Variants in PTPRD observed in about 807,000 individuals in gnomAD.
The protein encoded by PTPRD is protein tyrosine phosphatase receptor type D.
In PTPRD, 34 loss-of-function variants were observed where a neutral mutation model predicts 214.5. The ratio of observed to expected loss-of-function variants is 0.16; its 90% CI spans 0.12 to 0.21. PTPRD has a LOEUF of 0.21. Among genes scored for constraint, PTPRD ranks in the 10% least tolerant of loss-of-function variants. The pLI, the probability that PTPRD is intolerant of heterozygous loss-of-function variation, is 1.00. For missense variants in PTPRD, 2,545 were observed against 2,398.7 expected (o/e 1.06, Z -1.27); for synonymous variants, 1,128 against 845.7 (o/e 1.33, Z -5.79).
chr9:8,528,425 C>T (rs778893518), intron 15 of PTPRD, 166 bp downstream of exon 15: 1 of 695,852 alleles, frequency 1.4e-6, no homozygotes, highest in Non-Finnish European at 2.5e-6. Flanking sequence ...CTGAAACAGG[C>T]TATGACATCA....
chr9:9,784,795 TTATATC>T lies in PTPRD; in HGVS notation c.-367-17950_-367-17945del, dbSNP rs1484873054. Among the ~76,000 whole-genome samples, 3 of 150,926 alleles carry T rather than the reference TTATATC, an allele frequency of 2.0e-5. No individual in the cohort carries two copies. In the East Asian group the frequency reaches 5.8e-4, roughly 29 times the overall value. On this transcript the variant is annotated intron_variant, in intron 5 of 45. Coordinates refer to ENST00000381196, the MANE Select transcript of PTPRD (RefSeq NM_002839.4). ...TGTGTATATATAGATATATATATGT[TTATATC>T]TATATCATAAAACATATATTAGATA...
intron 4 of PTPRD, among the ~76,000 whole-genome samples, chr9:9,953,234 T>G (rs12684921): frequency 0.046 from 6,960 of 152,182 alleles, 292 homozygotes; most frequent in East Asian, 0.23. Flanking sequence ...TCAGTAAAAT[T>G]TGTGCACGCA....
intron 3 of PTPRD, among the ~76,000 whole-genome samples, chr9:10,067,247 C>A (rs1394597470): frequency 6.6e-6 from 1 of 151,844 alleles, no homozygotes; most frequent in Non-Finnish European, 1.5e-5. Context: ...CCTGTTACTT[C>A]AGTTCGGCAA....
At chr9:9,561,938 T>G (rs1268738662) in intron 8 of PTPRD, among the ~76,000 whole-genome samples, 1 of 152,188 alleles carries the variant, frequency 6.6e-6, no homozygotes, top group African/African-American at 2.4e-5. Context: ...ATTTTATGGC[T>G]TTAAATGTCA....
At chr9:9,319,746 T>A (rs897116030) in intron 9 of PTPRD, among the ~76,000 whole-genome samples, 9 of 152,164 alleles carry the variant, frequency 5.9e-5, no homozygotes, top group Non-Finnish European at 1.0e-4. Flanking sequence ...AAAGTTTCTT[T>A]AAAATTTTCT....
intron 9 of PTPRD, among the ~76,000 whole-genome samples, chr9:9,336,524 A>G (rs1026308856): frequency 6.6e-6 from 1 of 152,068 alleles, no homozygotes; most frequent in African/African-American, 2.4e-5. Flanking sequence ...CCCTTCCCAT[A>G]TCCCTAAATG....
At chr9:8,757,146 T>A (rs578012745) in intron 11 of PTPRD, among the ~76,000 whole-genome samples, 1 of 151,822 alleles carries the variant, frequency 6.6e-6, no homozygotes, top group Non-Finnish European at 1.5e-5. Flanking sequence ...CATCTCAAAA[T>A]AATAATAATC....
chr9:8,726,656 C>A (rs2098577198), intron 12 of PTPRD, among the ~76,000 whole-genome samples: 6 of 99,598 alleles, frequency 6.0e-5, no homozygotes, highest in African/African-American at 7.8e-5. Context: ...TATATGACAG[C>A]CAGGTGTGGT....
At chr9:8,932,392 G>A (rs10122897) in intron 11 of PTPRD, among the ~76,000 whole-genome samples, 95,432 of 151,988 alleles carry the variant, frequency 0.63, 31,158 homozygotes, top group Non-Finnish European at 0.72. Flanking sequence ...CAATATCTTT[G>A]TTTCTGCCTT....
intron 8 of PTPRD, among the ~76,000 whole-genome samples, chr9:9,456,727 A>C (rs530151462): frequency 2.0e-5 from 3 of 151,910 alleles, no homozygotes; most frequent in Admixed American, 2.0e-4. Flanking sequence ...AGTAAATAAA[A>C]TTAATAGGGT....
At chr9:9,521,582 C>G (rs184403971) in intron 8 of PTPRD, among the ~76,000 whole-genome samples, 251 of 152,224 alleles carry the variant, frequency 1.6e-3, no homozygotes, top group African/African-American at 5.8e-3. Context: ...ACTCTGCATA[C>G]ATGAAATCAC....
At chr9:8,371,977 C>T (rs1040205921) in intron 39 of PTPRD, among the ~76,000 whole-genome samples, 5 of 151,946 alleles carry the variant, frequency 3.3e-5, no homozygotes, top group African/African-American at 1.2e-4. Flanking sequence ...CAGTTCACAC[C>T]TCATCTTGAA....
intron 10 of PTPRD, among the ~76,000 whole-genome samples, chr9:9,139,633 G>A (rs2099856772): frequency 6.6e-6 from 1 of 152,164 alleles, no homozygotes; most frequent in Non-Finnish European, 1.5e-5. Context: ...CATGTCCTGG[G>A]TGGGAAGGAG....
intron 36 of PTPRD, among the ~76,000 whole-genome samples, chr9:8,391,722 G>A (rs777298427): frequency 1.6e-4 from 24 of 152,116 alleles, no homozygotes; most frequent in Non-Finnish European, 2.9e-4. Context: ...TCAGAATGGA[G>A]AAATCTGGGC....
intron 3 of PTPRD, among the ~76,000 whole-genome samples, chr9:10,084,085 T>A (rs1022486852): frequency 1.3e-5 from 2 of 151,956 alleles, no homozygotes; most frequent in African/African-American, 4.8e-5. Flanking sequence ...CAGTTAATAA[T>A]AGGCATTGTA....
intron 11 of PTPRD, among the ~76,000 whole-genome samples, chr9:8,765,579 G>C (rs1361749790): frequency 6.6e-6 from 1 of 152,180 alleles, no homozygotes; most frequent in Non-Finnish European, 1.5e-5. Context: ...GCCTAGCCTT[G>C]AGATGACCAC....
intron 11 of PTPRD, among the ~76,000 whole-genome samples, chr9:8,918,025 A>G (rs951016835): frequency 3.9e-5 from 6 of 152,218 alleles, no homozygotes; most frequent in Non-Finnish European, 8.8e-5. Flanking sequence ...CAGAATCAAC[A>G]GCGTCACAAC....
intron 3 of PTPRD, among the ~76,000 whole-genome samples, chr9:10,102,524 T>A (rs1005219808): frequency 5.9e-5 from 9 of 151,548 alleles, no homozygotes; most frequent in Non-Finnish European, 1.0e-4. Context: ...TACCATCCCT[T>A]GCTGGATTAT....
chr9:9,477,053 A>T (rs2095101914), intron 8 of PTPRD, among the ~76,000 whole-genome samples: 1 of 152,100 alleles, frequency 6.6e-6, no homozygotes, highest in Non-Finnish European at 1.5e-5. Flanking sequence ...CATTATTTCT[A>T]AACCATACAA....
Sources: allele counts gnomAD v4.1 joint callset (sites outside exome capture counted in the v4.1 genomes callset), GRCh38; gene constraint gnomAD v4.1.1; transcripts MANE v1.5; gene names NCBI Gene and HGNC (gene_info 2026-07-23, HGNC 2026-07-21).